SYNPR: variants seen among roughly 807,000 people sequenced by gnomAD.
SYNPR encodes synaptoporin.
A neutral mutation model predicts 32.9 loss-of-function variants in SYNPR; 23 were observed. That is an observed-to-expected ratio of 0.70 (90% CI 0.50 to 0.99). SYNPR has a LOEUF of 0.99. Ranked by LOEUF, SYNPR falls within the 50% of genes least tolerant of loss-of-function variation. The probability of loss-of-function intolerance (pLI) is 0.00; values close to 1 mark genes in which losing one functional copy is unlikely to be tolerated. For missense variants in SYNPR, 318 were observed against 349.3 expected (o/e 0.91, Z 0.71); for synonymous variants, 146 against 135.9 (o/e 1.07, Z -0.52).
intron 3 of SYNPR, among the ~76,000 whole-genome samples, chr3:63,529,230 A>C (rs1244824346): frequency 2.0e-5 from 3 of 152,254 alleles, no homozygotes; most frequent in African/African-American, 7.2e-5. Flanking sequence ...TAGCATTTGC[A>C]TATAGCCTAC....
intron 4 of SYNPR, among the ~76,000 whole-genome samples, chr3:63,585,909 T>A (rs1703174954): frequency 6.6e-6 from 1 of 152,114 alleles, no homozygotes; most frequent in South Asian, 2.1e-4. Flanking sequence ...CCCAGGTCTA[T>A]CTTCTCCTTC....
chr3:63,531,373 T>C (rs1330494658), intron 3 of SYNPR, among the ~76,000 whole-genome samples: 12 of 152,078 alleles, frequency 7.9e-5, no homozygotes, highest in Non-Finnish European at 1.3e-4. Flanking sequence ...TTGGGTGGAA[T>C]CAGAGATTCC....
chr3:63,458,207 T>G (rs1402135700), intron 2 of SYNPR, among the ~76,000 whole-genome samples: 1 of 152,146 alleles, frequency 6.6e-6, no homozygotes, highest in Non-Finnish European at 1.5e-5. Context: ...TCTTCTCTGC[T>G]TCACTATCTT....
intron 2 of SYNPR, among the ~76,000 whole-genome samples, chr3:63,470,152 C>T (rs936287113): frequency 2.0e-5 from 3 of 152,068 alleles, no homozygotes; most frequent in Admixed American, 6.5e-5. Context: ...CATTATGTTT[C>T]TAGACCTCTT....
chr3:63,222,067 T>A, the SYNPR span, among the ~76,000 whole-genome samples: 2 of 134,018 alleles, frequency 1.5e-5, no homozygotes, highest in Non-Finnish European at 3.1e-5. Context: ...TGGTTTAACA[T>A]AAACTTCAGG....
intron 1 of SYNPR, among the ~76,000 whole-genome samples, chr3:63,236,400 G>T (rs1215398972): frequency 6.6e-6 from 1 of 151,960 alleles, no homozygotes; most frequent in African/African-American, 2.4e-5. Context: ...AAGTTTGTCT[G>T]TATCTACAAA....
At chr3:63,471,307 T>A (rs1190128121) in intron 2 of SYNPR, among the ~76,000 whole-genome samples, 2 of 152,180 alleles carry the variant, frequency 1.3e-5, no homozygotes, top group Non-Finnish European at 2.9e-5. Context: ...TCTCAGTGCC[T>A]CCAAATAAAA....
intron 2 of SYNPR, among the ~76,000 whole-genome samples, chr3:63,418,958 C>G (rs2088574960): frequency 6.6e-6 from 1 of 152,192 alleles, no homozygotes; most frequent in African/African-American, 2.4e-5. Context: ...TTAATAGAGT[C>G]TTAATAATTT....
Position 63,616,847 on chromosome 3 carries a change from T to C in SYNPR, c.*1366T>C, listed in dbSNP as rs1700285019. 1 of 152,338 alleles carries C rather than the reference T, an allele frequency of 6.6e-6. No individual in the cohort carries two copies. The highest frequency in any genetic ancestry group is 1.5e-5 in the Non-Finnish European group (1 of 68,038). 9.4% of individuals were successfully genotyped at this position (152,338 alleles called of 1,614,324 possible). The stretch of plus-strand genomic sequence containing the variant: ...AGCCTTGTGTCTTAGATGATATCTG[T>C]AACCAGTTTCTGAATCCCGTTGGAT... On this transcript the variant is annotated 3_prime_UTR_variant, in exon 6 of 6. Transcript: ENST00000478300.
At chr3:63,293,435 G>A (rs182542321) in intron 2 of SYNPR, among the ~76,000 whole-genome samples, 196 of 152,264 alleles carry the variant, frequency 1.3e-3, no homozygotes, top group Non-Finnish European at 1.4e-3. Context: ...CTTCCACTGA[G>A]AGATAACCTT....
At chr3:63,446,307 C>G (rs576086363) in intron 2 of SYNPR, among the ~76,000 whole-genome samples, 1 of 138,738 alleles carries the variant, frequency 7.2e-6, no homozygotes, top group South Asian at 2.3e-4. Context: ...AATTTCTATT[C>G]TTTGGCTAGC....
In SYNPR at chr3:63,228,924, G is replaced by A. The variant is rs188506501; in HGVS notation, n.66+544G>A. 6.3e-4 allele frequency among the ~76,000 whole-genome samples: 94 copies of A among 148,904 alleles called. 4 individuals carry two copies. In the South Asian group the frequency reaches 0.019, roughly 31 times the overall value. On this transcript the variant is annotated intron_variant and non_coding_transcript_variant, in intron 1 of 4. Coordinates refer to the SYNPR transcript ENST00000478456. ...ATCTTGAAATGATGCTATTTCATGCGCTTCTCCAAAACAAACAAACAAACA... is the reference window on the plus strand; with the variant it reads ...ATCTTGAAATGATGCTATTTCATGCACTTCTCCAAAACAAACAAACAAACA...
At chr3:63,427,422 G>A (rs1169653403) in intron 2 of SYNPR, 1 of 152,206 alleles carries the variant, frequency 6.6e-6, no homozygotes, top group African/African-American at 2.4e-5. Context: ...TAGGATGAGA[G>A]AGAGACTGAC....
intron 4 of SYNPR, among the ~76,000 whole-genome samples, chr3:63,578,392 A>G (rs1182303442): frequency 6.6e-6 from 1 of 152,120 alleles, no homozygotes; most frequent in Non-Finnish European, 1.5e-5. Flanking sequence ...AGGTGTAAGG[A>G]GAGAGTGAGT....
intron 2 of SYNPR, among the ~76,000 whole-genome samples, chr3:63,261,260 T>C (rs898416861): frequency 6.6e-6 from 1 of 152,110 alleles, no homozygotes; most frequent in South Asian, 2.1e-4. Context: ...TAAAGACACA[T>C]GCACATGTAT....
At chr3:63,479,333 C>T (rs1227705658) in intron 2 of SYNPR, among the ~76,000 whole-genome samples, 1 of 152,080 alleles carries the variant, frequency 6.6e-6, no homozygotes, top group Non-Finnish European at 1.5e-5. Context: ...TAAATTCTTT[C>T]CACATATTAA....
the SYNPR span, among the ~76,000 whole-genome samples, chr3:63,204,014 A>C: frequency 6.6e-6 from 1 of 151,542 alleles, no homozygotes; most frequent in South Asian, 2.1e-4. Flanking sequence ...AACAAAAACA[A>C]AAAAAAGTTT....
chr3:63,326,280 G>A (rs1575599003), intron 2 of SYNPR, among the ~76,000 whole-genome samples: 1 of 152,052 alleles, frequency 6.6e-6, no homozygotes, highest in East Asian at 1.9e-4. Flanking sequence ...ATATCTGCCT[G>A]ATTGTGGAGG....
chr3:63,277,005 T>G (rs1430468620), upstream of SYNPR, among the ~76,000 whole-genome samples: 2 of 151,588 alleles, frequency 1.3e-5, no homozygotes, highest in Non-Finnish European at 2.9e-5. Context: ...AGACCACTCA[T>G]AAATGGAATC....
Sources: gnomAD v4.1 joint callset for allele counts (sites outside exome capture counted in the v4.1 genomes callset) on GRCh38, gnomAD v4.1.1 for gene constraint, MANE v1.5 for transcripts, NCBI Gene and HGNC (gene_info 2026-07-23, HGNC 2026-07-21) for gene names.